OCA2: variants seen among roughly 807,000 people sequenced by gnomAD.
OCA2 encodes the protein OCA2 melanosomal transmembrane protein, also known as P protein.
Under a neutral mutation model 100.2 loss-of-function variants are expected in OCA2, and 77 were observed. The ratio of observed to expected loss-of-function variants is 0.77; its 90% confidence interval spans 0.64 to 0.93. The LOEUF is 0.93. OCA2 is among the 40% of genes least tolerant of loss of function. The probability of loss-of-function intolerance (pLI) is 0.00; values close to 1 mark genes in which losing one functional copy is unlikely to be tolerated. For synonymous variants in OCA2, 432 were observed against 439.2 expected, an observed-to-expected ratio of 0.98 and a Z score of 0.21; for missense variants, 1,062 against 1,089.1, an observed-to-expected ratio of 0.98 and a Z score of 0.35.
At chr15:27,743,834 C>T in the OCA2 span, among the ~76,000 whole-genome samples, 3 of 152,086 alleles carry the variant, frequency 2.0e-5, no homozygotes, top group African/African-American at 7.2e-5. Context: ...ACCAGCACCC[C>T]TGCCCCGAGG....
chr15:27,811,908 A>G (rs1439249546), intron 23 of OCA2, among the ~76,000 whole-genome samples: 8 of 152,220 alleles, frequency 5.3e-5, no homozygotes, highest in Admixed American at 4.6e-4. Flanking sequence ...ACCTCAGCAA[A>G]CAGGAGCCCC....
intron 19 of OCA2, among the ~76,000 whole-genome samples, chr15:27,911,643 G>A (rs918859410): frequency 5.9e-5 from 9 of 152,014 alleles, no homozygotes; most frequent in African/African-American, 1.7e-4. Context: ...GGTCTCTCAC[G>A]AAGTAATAGA....
intron 19 of OCA2, among the ~76,000 whole-genome samples, chr15:27,875,445 A>G (rs1023749576): frequency 1.3e-5 from 2 of 152,176 alleles, no homozygotes; most frequent in East Asian, 3.8e-4. Context: ...TAAGTGCTCC[A>G]AAAGTTGTCC....
chr15:28,010,764 C>G (rs1172754312), intron 9 of OCA2, among the ~76,000 whole-genome samples: 1 of 152,116 alleles, frequency 6.6e-6, no homozygotes, highest in African/African-American at 2.4e-5. Context: ...CAAAGCACCA[C>G]ATGAAAAAGC....
At chr15:28,034,367 A>G (rs2042989652) in intron 2 of OCA2, among the ~76,000 whole-genome samples, 2 of 152,234 alleles carry the variant, frequency 1.3e-5, no homozygotes, top group Admixed American at 1.3e-4. Context: ...GATTGTGGAT[A>G]TTGATTCACT....
At chr15:27,940,634 A>G (rs2039615336) in intron 18 of OCA2, among the ~76,000 whole-genome samples, 1 of 152,218 alleles carries the variant, frequency 6.6e-6, no homozygotes, top group Non-Finnish European at 1.5e-5. Context: ...AGCCTATCCT[A>G]TCCTGATACA....
At chr15:28,084,358 T>C (rs932579373) in intron 1 of OCA2, among the ~76,000 whole-genome samples, 4 of 152,170 alleles carry the variant, frequency 2.6e-5, no homozygotes, top group African/African-American at 9.6e-5. Context: ...CAAATGTCCA[T>C]TCTCTTTCAG....
intron 19 of OCA2, among the ~76,000 whole-genome samples, chr15:27,899,731 G>A (rs2037847134): frequency 2.0e-5 from 3 of 152,170 alleles, no homozygotes; most frequent in African/African-American, 4.8e-5. Flanking sequence ...AAGCTTCAGA[G>A]GTACTATTTG....
chr15:27,942,178 A>C (rs2140504243), intron 18 of OCA2, among the ~76,000 whole-genome samples: 2 of 150,056 alleles, frequency 1.3e-5, no homozygotes, highest in South Asian at 4.2e-4. Flanking sequence ...TAAATGGATA[A>C]ATAAATTGTG....
chr15:27,741,854 A>G, the OCA2 span, among the ~76,000 whole-genome samples: 3 of 152,226 alleles, frequency 2.0e-5, no homozygotes, highest in Non-Finnish European at 2.9e-5. Context: ...TGTCATACAA[A>G]TTGTTTTAGA....
chr15:27,989,540 C>T lies in OCA2; in HGVS notation c.1182+61G>A. On this transcript the variant is annotated intron_variant, in intron 11 of 23. Transcript: ENST00000354638. ...AATGAAGGACCCTCAGCGGTGGAGG[C>T]CAGAGAAGGCCCGGTTACCGCAGGC... 6.5e-6 allele frequency: 9 copies of T among 1,392,852 alleles called. No individual in the cohort carries two copies. The South Asian group carries it at 9.3e-5, about 14-fold the overall frequency. The allele number at this position is 1,392,852 out of a possible 1,614,324, so 86.3% of individuals were successfully genotyped here.
intron 21 of OCA2, among the ~76,000 whole-genome samples, chr15:27,866,700 C>T (rs1018087242): frequency 6.6e-6 from 1 of 152,134 alleles, no homozygotes; most frequent in Non-Finnish European, 1.5e-5. Context: ...AGAGGGCAAG[C>T]GAGGCTCTGC....
chr15:27,997,467 T>C (rs1261465868), intron 9 of OCA2, among the ~76,000 whole-genome samples: 1 of 151,332 alleles, frequency 6.6e-6, no homozygotes, highest in East Asian at 1.9e-4. Flanking sequence ...TTCTCAGGTC[T>C]GTCAAAGATC....
chr15:27,926,022 AT>A, intron 19 of OCA2, 104 bp downstream of exon 19: 1 of 1,334,336 alleles, frequency 7.5e-7, no homozygotes, highest in Non-Finnish European at 1.1e-6. Context: ...CACTTAGAGA[AT>A]ATAAGGAAAG....
At chr15:27,771,374 G>C (rs1371662569) in intron 23 of OCA2, among the ~76,000 whole-genome samples, 1 of 145,836 alleles carries the variant, frequency 6.9e-6, no homozygotes, top group African/African-American at 2.5e-5. Flanking sequence ...GGCCCCGGGG[G>C]AGAGAGAAGC....
intron 17 of OCA2, among the ~76,000 whole-genome samples, chr15:27,954,916 G>A (rs1253264016): frequency 6.6e-6 from 1 of 152,202 alleles, no homozygotes; most frequent in Non-Finnish European, 1.5e-5. Context: ...GCCCTGCAAC[G>A]TGCAGGGACA....
intron 23 of OCA2, among the ~76,000 whole-genome samples, chr15:27,809,116 T>A (rs1439869031): frequency 6.6e-6 from 1 of 152,198 alleles, no homozygotes; most frequent in Non-Finnish European, 1.5e-5. Context: ...CTCTTGCCCT[T>A]GTGGGCTTCT....
chr15:27,802,902 G>A (rs902928199), intron 23 of OCA2, among the ~76,000 whole-genome samples: 3 of 151,964 alleles, frequency 2.0e-5, no homozygotes, highest in Non-Finnish European at 4.4e-5. Flanking sequence ...AAAAACAAGT[G>A]GATTAAATGG....
chr15:27,777,607 A>G (rs1418161001), intron 23 of OCA2, among the ~76,000 whole-genome samples: 1 of 152,200 alleles, frequency 6.6e-6, no homozygotes, highest in Non-Finnish European at 1.5e-5. Flanking sequence ...TTTTATTCAC[A>G]TGCACATTTT....
Sources: gnomAD v4.1 joint callset for allele counts (sites outside exome capture counted in the v4.1 genomes callset) on GRCh38, gnomAD v4.1.1 for gene constraint, MANE v1.5 for transcripts, NCBI Gene and HGNC (gene_info 2026-07-23, HGNC 2026-07-21) for gene names.